RORA: variants seen among roughly 807,000 people sequenced by gnomAD.
The protein encoded by RORA is RAR related orphan receptor A.
A neutral mutation model predicts 69.5 loss-of-function variants in RORA; 7 were observed. The observed-to-expected ratio is 0.10, with a 90% confidence interval of 0.06 to 0.19. The LOEUF (loss-of-function observed/expected upper bound fraction) is 0.19. RORA is among the 10% of genes least tolerant of loss of function. RORA has a pLI of 1.00. For synonymous variants in RORA, 261 were observed against 240.8 expected, an observed-to-expected ratio of 1.08 and a Z score of -0.78; for missense variants, 457 against 663.0, an observed-to-expected ratio of 0.69 and a Z score of 3.41.
intron 1 of RORA, among the ~76,000 whole-genome samples, chr15:61,058,506 T>C (rs1222809947): frequency 6.6e-6 from 1 of 152,148 alleles, no homozygotes; most frequent in Non-Finnish European, 1.5e-5. Flanking sequence ...ATTAAGGCCC[T>C]GGGTTCAGGT....
chr15:60,986,086 A>G (rs1402970560), intron 1 of RORA, among the ~76,000 whole-genome samples: 12 of 152,132 alleles, frequency 7.9e-5, no homozygotes, highest in Non-Finnish European at 1.5e-4. Flanking sequence ...GTGGGACTAG[A>G]ATATAGGACC....
At chr15:61,114,722 TG>T (rs2079035088) in intron 1 of RORA, among the ~76,000 whole-genome samples, 1 of 152,186 alleles carries the variant, frequency 6.6e-6, no homozygotes, top group Admixed American at 6.5e-5. Context: ...GCATCACGGA[TG>T]GTTATCCCTA....
At chr15:61,144,099 A>C (rs2079324447) in intron 1 of RORA, among the ~76,000 whole-genome samples, 1 of 152,210 alleles carries the variant, frequency 6.6e-6, no homozygotes, top group African/African-American at 2.4e-5. Context: ...AAAAATGGGT[A>C]GGGTTATTGT....
intron 1 of RORA, among the ~76,000 whole-genome samples, chr15:61,200,659 C>T (rs57102611): frequency 0.056 from 8,485 of 152,254 alleles, 782 homozygotes; most frequent in African/African-American, 0.19. Flanking sequence ...GTTTGGCTGA[C>T]TCAGGAGGGC....
chr15:60,896,358 G>A (rs936933263), intron 1 of RORA, among the ~76,000 whole-genome samples: 2 of 152,180 alleles, frequency 1.3e-5, no homozygotes, highest in East Asian at 1.9e-4. Context: ...GTCCATATGC[G>A]AATAAGCATT....
intron 1 of RORA, among the ~76,000 whole-genome samples, chr15:61,191,601 T>C (rs1299114724): frequency 1.3e-5 from 2 of 152,212 alleles, no homozygotes; most frequent in Non-Finnish European, 1.5e-5. Flanking sequence ...AAAATATTCA[T>C]CTTCCCCTCT....
At chr15:60,984,891 G>A (rs1346364142) in intron 1 of RORA, among the ~76,000 whole-genome samples, 2 of 151,388 alleles carry the variant, frequency 1.3e-5, no homozygotes, top group African/African-American at 2.4e-5. Flanking sequence ...AATGAATTGG[G>A]AGGGAGAGGG....
intron 1 of RORA, among the ~76,000 whole-genome samples, chr15:60,730,966 CG>C (rs2071422602): frequency 6.6e-6 from 1 of 151,612 alleles, no homozygotes; most frequent in East Asian, 1.9e-4. Flanking sequence ...AAACATGTGT[CG>C]GGGGGTTGTT....
chr15:61,039,969 T>C (rs898484819), intron 1 of RORA, among the ~76,000 whole-genome samples: 33 of 151,306 alleles, frequency 2.2e-4, no homozygotes, highest in African/African-American at 8.0e-4. Flanking sequence ...ATTGGTTAAC[T>C]AATGCTATTT....
At chr15:60,622,718 A>G (rs897584585) in intron 2 of RORA, among the ~76,000 whole-genome samples, 4 of 152,158 alleles carry the variant, frequency 2.6e-5, no homozygotes, top group Non-Finnish European at 4.4e-5. Context: ...ACATAATTTT[A>G]AAACAATTAT....
chr15:60,701,735 G>C (rs758668741), intron 1 of RORA, among the ~76,000 whole-genome samples: 1 of 152,158 alleles, frequency 6.6e-6, no homozygotes, highest in Non-Finnish European at 1.5e-5. Context: ...CTATAGGAGA[G>C]AGAGGAACGG....
intron 1 of RORA, among the ~76,000 whole-genome samples, chr15:60,712,418 CT>C (rs1206037697): frequency 3.3e-5 from 5 of 152,204 alleles, no homozygotes; most frequent in Non-Finnish European, 5.9e-5. Flanking sequence ...CACAAACTCT[CT>C]GGTCAACATA....
At chr15:60,795,894 C>T (rs974173702) in intron 1 of RORA, among the ~76,000 whole-genome samples, 2 of 152,324 alleles carry the variant, frequency 1.3e-5, no homozygotes, top group South Asian at 2.1e-4. Context: ...CCCAAAAGGC[C>T]TCATGCCTCG....
In RORA at chr15:61,221,559, G is replaced by A. The variant is rs548673681; in HGVS notation, c.166+7494C>T. 2.6e-5 allele frequency among the ~76,000 whole-genome samples: 4 copies of A among 152,182 alleles called. No individual in the cohort carries two copies. In the East Asian group the frequency reaches 5.8e-4, roughly 22 times the overall value. ...ACCTAAACATCACCATTCTTATCAC[G>A]TGTACAATCCCATCAAGTTTCAGAC... On this transcript the variant is annotated intron_variant, in intron 1 of 10. Coordinates refer to ENST00000335670, the MANE Select transcript of RORA (RefSeq NM_134261.3).
chr15:61,183,512 G>A (rs1245189295), intron 1 of RORA, among the ~76,000 whole-genome samples: 30 of 141,154 alleles, frequency 2.1e-4, no homozygotes, highest in African/African-American at 7.9e-4. Context: ...TCTAGCCTGG[G>A]CAACAAGAGT....
At chr15:61,089,970 T>A (rs2078681542) in intron 1 of RORA, among the ~76,000 whole-genome samples, 1 of 152,244 alleles carries the variant, frequency 6.6e-6, no homozygotes, top group South Asian at 2.1e-4. Context: ...CCTTTAACTA[T>A]AAGACCTGGG....
At chr15:60,853,330 T>C (rs1210059238) in intron 1 of RORA, among the ~76,000 whole-genome samples, 2 of 152,186 alleles carry the variant, frequency 1.3e-5, no homozygotes, top group African/African-American at 4.8e-5. Flanking sequence ...AAAATGACTG[T>C]TGCTCTGACA....
intron 1 of RORA, among the ~76,000 whole-genome samples, chr15:61,085,533 G>C (rs2078611849): frequency 6.6e-6 from 1 of 152,224 alleles, no homozygotes; most frequent in Non-Finnish European, 1.5e-5. Context: ...CAGTAGGTTG[G>C]GGCCAGGGCC....
intron 1 of RORA, among the ~76,000 whole-genome samples, chr15:60,845,908 G>A (rs902807951): frequency 1.3e-5 from 2 of 152,084 alleles, no homozygotes; most frequent in African/African-American, 2.4e-5. Flanking sequence ...CACCACACCC[G>A]GCTAATTTTT....
Sources: gnomAD v4.1 joint callset for allele counts (sites outside exome capture counted in the v4.1 genomes callset) on GRCh38, gnomAD v4.1.1 for gene constraint, MANE v1.5 for transcripts, NCBI Gene and HGNC (gene_info 2026-07-23, HGNC 2026-07-21) for gene names.